The following GULP1 variants were observed in gnomAD, a reference collection of about 807,000 sequenced individuals.
GULP1 encodes GULP PTB domain containing engulfment adaptor 1, also known as PTB domain-containing engulfment adapter protein 1.
In GULP1, 19 loss-of-function variants were observed where a neutral mutation model predicts 40.9. The observed-to-expected ratio is 0.46, with a 90% CI of 0.32 to 0.68. GULP1 has a LOEUF of 0.68. Among genes scored for constraint, GULP1 ranks in the 30% least tolerant of loss-of-function variants. GULP1 has a pLI of 0.03. For missense variants in GULP1, 312 were observed against 362.2 expected (o/e 0.86, Z 1.12); for synonymous variants, 119 against 117.6 (o/e 1.01, Z -0.08).
At chr2:188,529,977 C>T (rs1439738637) in intron 6 of GULP1, among the ~76,000 whole-genome samples, 2 of 152,254 alleles carry the variant, frequency 1.3e-5, no homozygotes, top group East Asian at 1.9e-4. Flanking sequence ...TGCCCAGCAG[C>T]GTGAACATGG....
intron 2 of GULP1, among the ~76,000 whole-genome samples, chr2:188,457,234 A>G (rs574825892): frequency 5.9e-4 from 90 of 152,296 alleles, no homozygotes; most frequent in African/African-American, 1.9e-3. Flanking sequence ...ATGTGAGGAC[A>G]TGAAATTTGG....
At chr2:188,507,208 GCTAT>G (rs2064004239) in intron 4 of GULP1, among the ~76,000 whole-genome samples, 1 of 151,824 alleles carries the variant, frequency 6.6e-6, no homozygotes. Flanking sequence ...TTTATAAAAT[GCTAT>G]CTATCTTCAA....
chr2:188,325,758 C>T (rs1430315032), intron 1 of GULP1, among the ~76,000 whole-genome samples: 1 of 152,030 alleles, frequency 6.6e-6, no homozygotes, highest in Non-Finnish European at 1.5e-5. Flanking sequence ...AGGATAGAAT[C>T]ACTAGCCAAC....
At chr2:188,482,520 A>G (rs1345159266) in intron 3 of GULP1, among the ~76,000 whole-genome samples, 3 of 151,872 alleles carry the variant, frequency 2.0e-5, no homozygotes, top group Non-Finnish European at 2.9e-5. Context: ...GAGGCAAAAT[A>G]TCATTGAAGA....
intron 2 of GULP1, among the ~76,000 whole-genome samples, chr2:188,469,219 A>G (rs1332524255): frequency 6.6e-6 from 1 of 152,162 alleles, no homozygotes. Flanking sequence ...GAAGGAAATA[A>G]TGGCATTTTG....
chr2:188,444,842 C>G (rs1359351898), intron 2 of GULP1, among the ~76,000 whole-genome samples: 1 of 152,152 alleles, frequency 6.6e-6, no homozygotes, highest in Admixed American at 6.5e-5. Flanking sequence ...TAAAAATATC[C>G]TATACTTTCA....
chr2:188,572,249 A>G (rs1576205776), intron 9 of GULP1, among the ~76,000 whole-genome samples: 2 of 152,362 alleles, frequency 1.3e-5, no homozygotes, highest in East Asian at 1.9e-4. Context: ...TAGCCTATTC[A>G]TAAGTATAAT....
intron 2 of GULP1, among the ~76,000 whole-genome samples, chr2:188,400,601 A>T (rs1225553998): frequency 6.6e-6 from 1 of 152,218 alleles, no homozygotes; most frequent in Non-Finnish European, 1.5e-5. Context: ...TGGATGACCT[A>T]ATCAGATTTG....
intron 7 of GULP1, among the ~76,000 whole-genome samples, chr2:188,566,179 G>A (rs1025052523): frequency 6.6e-5 from 10 of 152,056 alleles, no homozygotes; most frequent in African/African-American, 2.4e-4. Flanking sequence ...AAAATGTGAT[G>A]GTTGGAGAGT....
At chr2:188,327,262 G>A (rs987326749) in intron 1 of GULP1, among the ~76,000 whole-genome samples, 1 of 152,136 alleles carries the variant, frequency 6.6e-6, no homozygotes, top group African/African-American at 2.4e-5. Flanking sequence ...TGAGATTCCT[G>A]TACCAACATA....
At chr2:188,460,784 G>C (rs1261730967) in intron 2 of GULP1, among the ~76,000 whole-genome samples, 1 of 152,106 alleles carries the variant, frequency 6.6e-6, no homozygotes, top group Non-Finnish European at 1.5e-5. Context: ...CTAGCTGTGG[G>C]TCTGTCATAT....
intron 1 of GULP1, among the ~76,000 whole-genome samples, chr2:188,305,014 C>T (rs182238132): frequency 3.4e-4 from 52 of 152,134 alleles, no homozygotes; most frequent in African/African-American, 1.1e-3. Flanking sequence ...GGGCTCATTC[C>T]CCAAGACTGC....
chr2:188,559,809 A>C (rs1046675381), intron 7 of GULP1, among the ~76,000 whole-genome samples: 2 of 152,168 alleles, frequency 1.3e-5, no homozygotes, highest in African/African-American at 4.8e-5. Flanking sequence ...ATTTTGTGGA[A>C]GGGACCTGGT....
At chr2:188,393,499 T>A (rs1423547489) in intron 2 of GULP1, among the ~76,000 whole-genome samples, 1 of 152,070 alleles carries the variant, frequency 6.6e-6, no homozygotes, top group Non-Finnish European at 1.5e-5. Context: ...AAACAGCAGA[T>A]ATTTGGTTTG....
At chr2:188,500,952 A>T (rs1575626386) in intron 4 of GULP1, among the ~76,000 whole-genome samples, 1 of 152,002 alleles carries the variant, frequency 6.6e-6, no homozygotes, top group Non-Finnish European at 1.5e-5. Context: ...TCCTGCTAGC[A>T]CTGTTAACTG....
intron 7 of GULP1, among the ~76,000 whole-genome samples, chr2:188,546,531 A>C (rs1692015467): frequency 6.6e-6 from 1 of 152,086 alleles, no homozygotes; most frequent in Admixed American, 6.6e-5. Context: ...AATGAAGTAG[A>C]GCGTATCAAC....
chr2:188,564,769 G>A (rs1697240175), intron 7 of GULP1, among the ~76,000 whole-genome samples: 1 of 151,872 alleles, frequency 6.6e-6, no homozygotes, highest in Non-Finnish European at 1.5e-5. Flanking sequence ...TTAATTTTGA[G>A]AGAGAAGACC....
chr2:188,403,474 T>A (rs534293107), intron 2 of GULP1, among the ~76,000 whole-genome samples: 11 of 152,310 alleles, frequency 7.2e-5, no homozygotes, highest in Middle Eastern at 6.8e-3. Context: ...TTACATTTGA[T>A]AAATCTATGA....
chr2:188,503,014 G>A (rs1386195820), intron 4 of GULP1, among the ~76,000 whole-genome samples: 2 of 151,834 alleles, frequency 1.3e-5, no homozygotes, highest in South Asian at 2.1e-4. Context: ...TCAAGACTTC[G>A]TATGGAGTCA....
Sources: allele counts gnomAD v4.1 joint callset (sites outside exome capture counted in the v4.1 genomes callset), GRCh38; gene constraint gnomAD v4.1.1; transcripts MANE v1.5; gene names NCBI Gene and HGNC (gene_info 2026-07-23, HGNC 2026-07-21).